Variants in RERE observed in about 807,000 individuals in gnomAD.
RERE encodes the protein arginine-glutamic acid dipeptide repeats protein.
Under a neutral mutation model 146.1 loss-of-function variants are expected in RERE, and 40 were observed. That is an observed-to-expected ratio of 0.27 (90% CI 0.21 to 0.36). The LOEUF (loss-of-function observed/expected upper bound fraction) is 0.36. RERE is among the 10% of genes least tolerant of loss of function. The probability of loss-of-function intolerance (pLI) is 1.00; values close to 1 mark genes in which losing one functional copy is unlikely to be tolerated. For synonymous variants in RERE, 1,003 were observed against 866.0 expected, an observed-to-expected ratio of 1.16 and a Z score of -2.78; for missense variants, 1,933 against 2,138.7, an observed-to-expected ratio of 0.90 and a Z score of 1.90.
chr1:8,810,117 C>A (rs189427077), intron 1 of RERE, among the ~76,000 whole-genome samples: 1 of 151,410 alleles, frequency 6.6e-6, no homozygotes, highest in African/African-American at 2.5e-5. Context: ...GCGATTCTTC[C>A]ACCTCAGCCT....
chr1:8,561,612 A>C (rs1646079590), intron 4 of RERE, among the ~76,000 whole-genome samples: 1 of 152,192 alleles, frequency 6.6e-6, no homozygotes, highest in Non-Finnish European at 1.5e-5. Context: ...AAGTAGATAA[A>C]ATGATGCTGT....
chr1:8,567,752 A>G (rs1646169402), intron 4 of RERE, among the ~76,000 whole-genome samples: 2 of 152,210 alleles, frequency 1.3e-5, no homozygotes, highest in African/African-American at 4.8e-5. Flanking sequence ...AAACCTTGGG[A>G]ATATTTGTAC....
intron 7 of RERE, among the ~76,000 whole-genome samples, chr1:8,523,939 C>G (rs1367446577): frequency 6.6e-6 from 1 of 152,188 alleles, no homozygotes; most frequent in Non-Finnish European, 1.5e-5. Context: ...AGATCTAGAA[C>G]AGAAAGGCAA....
chr1:8,603,743 G>A (rs182162222), intron 4 of RERE, among the ~76,000 whole-genome samples: 20 of 152,106 alleles, frequency 1.3e-4, no homozygotes, highest in African/African-American at 4.8e-4. Flanking sequence ...AACTGCATCA[G>A]AAGTTCCACA....
At chr1:8,603,947 A>AAAAAG (rs1553120084) in intron 4 of RERE, among the ~76,000 whole-genome samples, 255 of 151,572 alleles carry the variant, frequency 1.7e-3, no homozygotes, top group African/African-American at 5.8e-3. Flanking sequence ...TCAAAAAAAA[A>AAAAAG]AAAAGAAAAG....
At chr1:8,434,785 G>C (rs1342502378) in intron 11 of RERE, 1 of 152,262 alleles carries the variant, frequency 6.6e-6, no homozygotes. Flanking sequence ...ACGCTGGAGA[G>C]ACCATCAGGG....
intron 1 of RERE, among the ~76,000 whole-genome samples, chr1:8,806,215 G>A (rs1641689991): frequency 6.6e-6 from 1 of 152,010 alleles, no homozygotes; most frequent in Admixed American, 6.6e-5. Flanking sequence ...CACTATATTT[G>A]AGGTATAAAA....
At chr1:8,384,844 G>A (rs76281913) in intron 12 of RERE, among the ~76,000 whole-genome samples, 80 of 152,334 alleles carry the variant, frequency 5.3e-4, no homozygotes, top group African/African-American at 1.3e-3. Flanking sequence ...TGTGACCAGC[G>A]TTCCTGAGTG....
At position 8,495,055 on chromosome 1, in the gene RERE, A is replaced by C. The variant is rs1570335313; in HGVS notation, c.1104+8T>G. 6.2e-7 allele frequency: 1 copy of C among 1,602,476 alleles called. No individual in the cohort carries two copies. The highest frequency in any genetic ancestry group is 2.2e-5 in the East Asian group (1 of 44,780). On this transcript the variant is annotated splice_region_variant and intron_variant, in intron 10 of 22. Coordinates refer to ENST00000400908, the MANE Select transcript of RERE (RefSeq NM_001042681.2). ...TCTTCCCACTCAGGGTGACTTCAAA[A>C]GACTTACTGTGTTCAGTGCATTCAG...
At chr1:8,420,637 C>A (rs1187906322) in intron 12 of RERE, among the ~76,000 whole-genome samples, 1 of 152,178 alleles carries the variant, frequency 6.6e-6, no homozygotes, top group African/African-American at 2.4e-5. Context: ...GAATATTTAG[C>A]AAATGTCAGG....
rs751671790 is a variant in RERE at position 8,541,194 on chromosome 1, G to A, written c.830+20C>T. 3 of 1,310,876 alleles carry A rather than the reference G, an allele frequency of 2.3e-6. No homozygotes were observed. Among genetic ancestry groups the A allele is most frequent in the South Asian group, 2.4e-5 (2 of 82,438 alleles). 81.2% of individuals were successfully genotyped at this position (1,310,876 alleles called of 1,614,324 possible). ...AAAGGAAAAGAGTTCTCAATGAATG[G>A]ACACAAGTGACTCACTTACCTTGTC... On this transcript the variant is annotated intron_variant, in intron 7 of 22. Transcript: ENST00000400908.
At chr1:8,607,134 G>T (rs2124166489) in intron 4 of RERE, among the ~76,000 whole-genome samples, 1 of 152,214 alleles carries the variant, frequency 6.6e-6, no homozygotes, top group African/African-American at 2.4e-5. Context: ...ACTGAGGCAG[G>T]TGAATTCTTT....
chr1:8,388,317 CT>C (rs3996169), intron 12 of RERE, among the ~76,000 whole-genome samples: 29 of 146,886 alleles, frequency 2.0e-4, no homozygotes, highest in Non-Finnish European at 1.9e-4. Context: ...TCTGTGCAAT[CT>C]TTTTTTTTTT....
At chr1:8,576,418 T>C (rs1306882569) in intron 4 of RERE, among the ~76,000 whole-genome samples, 1 of 152,148 alleles carries the variant, frequency 6.6e-6, no homozygotes, top group Non-Finnish European at 1.5e-5. Flanking sequence ...ACTGTAAGGA[T>C]AAAAGCATGT....
intron 7 of RERE, among the ~76,000 whole-genome samples, chr1:8,522,209 G>T (rs759472892): frequency 6.6e-6 from 1 of 152,182 alleles, no homozygotes; most frequent in Non-Finnish European, 1.5e-5. Flanking sequence ...AATTATCTGT[G>T]CTTATTTAGG....
At chr1:8,476,141 G>A (rs1338175162) in intron 10 of RERE, among the ~76,000 whole-genome samples, 1 of 152,166 alleles carries the variant, frequency 6.6e-6, no homozygotes, top group African/African-American at 2.4e-5. Flanking sequence ...CATTTGCTGA[G>A]CAGTGCACAG....
At chr1:8,802,064 G>A (rs1641600751) in intron 1 of RERE, among the ~76,000 whole-genome samples, 1 of 152,214 alleles carries the variant, frequency 6.6e-6, no homozygotes, top group South Asian at 2.1e-4. Context: ...GTGTGAAAGT[G>A]ATTACAATGA....
At chr1:8,458,304 T>A (rs1644479765) in intron 11 of RERE, among the ~76,000 whole-genome samples, 1 of 152,124 alleles carries the variant, frequency 6.6e-6, no homozygotes, top group Non-Finnish European at 1.5e-5. Flanking sequence ...TCTCCATTTT[T>A]TTACATGCCC....
At chr1:8,437,149 C>T (rs1644180958) in intron 11 of RERE, among the ~76,000 whole-genome samples, 1 of 152,178 alleles carries the variant, frequency 6.6e-6, no homozygotes, top group Non-Finnish European at 1.5e-5. Flanking sequence ...AAGATCTGCC[C>T]CACTTCCCAA....
Sources: gnomAD v4.1 joint callset for allele counts (sites outside exome capture counted in the v4.1 genomes callset) on GRCh38, gnomAD v4.1.1 for gene constraint, MANE v1.5 for transcripts, NCBI Gene and HGNC (gene_info 2026-07-23, HGNC 2026-07-21) for gene names.